Variants in DHX36 observed in about 807,000 individuals in gnomAD.
DHX36 encodes ATP-dependent DNA/RNA helicase DHX36.
DHX36 carries 50 observed loss-of-function variants against 139.0 expected under a neutral mutation model. That is an observed-to-expected ratio of 0.36 (90% CI 0.29 to 0.46). The LOEUF (loss-of-function observed/expected upper bound fraction) is 0.46, where lower values mean the gene tolerates loss of function less well. Among genes scored for constraint, DHX36 ranks in the 20% least tolerant of loss-of-function variants. DHX36 has a pLI of 1.00. For synonymous variants in DHX36, 425 were observed against 401.9 expected (o/e 1.06, Z -0.69); for missense variants, 1,024 against 1,211.3 (o/e 0.85, Z 2.29).
At chr3:154,315,397 T>C (rs1485527270) in intron 2 of DHX36, 117 bp from the exon 3 acceptor site, 2 of 672,518 alleles carry the variant, frequency 3.0e-6, no homozygotes, top group Non-Finnish European at 4.8e-6. Context: ...ATCCAAAGCT[T>C]TTCTTTTCTC....
intron 22 of DHX36, chr3:154,279,031 G>GC (rs1559943726): frequency 6.6e-6 from 1 of 151,954 alleles, no homozygotes; most frequent in Non-Finnish European, 1.5e-5. Context: ...CTCTCAACGT[G>GC]CAGTGGTGTG....
In DHX36 at chr3:154,314,218, C is replaced by T. The variant is rs532756761; in HGVS notation, c.603+828G>A. 3.9e-5 allele frequency among the ~76,000 whole-genome samples: 6 copies of T among 152,308 alleles called. No individual in the cohort carries two copies. In the South Asian group the frequency reaches 1.2e-3, roughly 32 times the overall value. On this transcript the variant is annotated intron_variant, in intron 3 of 24. Coordinates refer to ENST00000496811, the MANE Select transcript of DHX36 (RefSeq NM_020865.3). ...TTTTTACCCAACAGGCATCAAAGAG[C>T]TACACAATTTGGCCCTGGACAACCT... is the stretch of plus-strand genomic sequence containing the variant.
chr3:154,303,308 T>TC, intron 9 of DHX36, 21 bp downstream of exon 9: 1 of 1,526,232 alleles, frequency 6.6e-7, no homozygotes, highest in Non-Finnish European at 9.0e-7. Flanking sequence ...TAATGTTTTT[T>TC]ATTTCCTAAT....
In DHX36 at chr3:154,303,383, C is replaced by G. The variant is rs1210480391; in HGVS notation, c.1163G>C (p.Gly388Ala). Reference sequence around the variant, plus strand: ...ATATTCCACAACCGGAAAGGTAAAACCAGGTATATGTATCATTGGACAGTT... The same window carrying G: ...ATATTCCACAACCGGAAAGGTAAAAGCAGGTATATGTATCATTGGACAGTT... The part of the protein sequence containing the change: ...FGNCPMIHIP[G>A]FTFPVVEYLL... Residue 388 changes from glycine to alanine, a missense_variant, in exon 9 of 25, where the codon GGT becomes GCT. Gly to Ala is a moderately conservative substitution (Grantham distance 60). Transcript: ENST00000496811. The G allele has an allele frequency of 5.6e-6, 9 of 1,607,618 alleles. No individual in the cohort carries two copies. Among genetic ancestry groups the G allele is most frequent in the Non-Finnish European group, 7.6e-6 (9 of 1,177,396 alleles).
intron 4 of DHX36, among the ~76,000 whole-genome samples, chr3:154,310,828 T>TATATATATATGTATATAC (rs1712729592): frequency 3.0e-5 from 1 of 32,938 alleles, no homozygotes; most frequent in Non-Finnish European, 4.5e-5. Context: ...TATATATATA[T>TATATATATATGTATATAC]ATATATATAT....
At chr3:154,295,944 T>C (rs550744173) in intron 12 of DHX36, among the ~76,000 whole-genome samples, 20 of 152,100 alleles carry the variant, frequency 1.3e-4, no homozygotes, top group Non-Finnish European at 2.2e-4. Context: ...ATTTTTGTAT[T>C]TTTTGTAGAG....
Position 154,301,053 on chromosome 3 carries a change from T to C in DHX36, c.1292A>G (p.Glu431Gly), listed in dbSNP as rs752990736. 9.3e-6 allele frequency: 15 copies of C among 1,613,506 alleles called. No individual in the cohort carries two copies. The highest frequency in any genetic ancestry group is 1.3e-5 in the Non-Finnish European group (15 of 1,179,940). ...GFMQGHVNRQ[E>G]KEEKEAIYKE... ...ATATATTGCTTCTTTTTCTTCTTTT[T>C]CTTGTCTATTTACATGCCCTTGCAT... The change falls in exon 10 of 25, where the codon GAA (glutamate) becomes GGA (glycine). Residue 431 changes from glutamate (E) to glycine (G), a missense_variant. By Grantham distance (98) the Glu-to-Gly change is moderately conservative. Transcript: ENST00000496811.
rs531399489 is a variant in DHX36 at position 154,314,972 on chromosome 3, C to T, written c.603+74G>A. ...CTCACTGATCTATGCCATGCAGCTACCTCTAACCATACATACATTTTTATA... is the reference window on the plus strand; with the variant it reads ...CTCACTGATCTATGCCATGCAGCTATCTCTAACCATACATACATTTTTATA... On this transcript the variant is annotated intron_variant, in intron 3 of 24. Coordinates refer to ENST00000496811, the MANE Select transcript of DHX36 (RefSeq NM_020865.3). 7 of 1,019,842 alleles carry T rather than the reference C, an allele frequency of 6.9e-6. No individual in the cohort carries two copies. The Admixed American group carries it at 7.2e-5, about 11-fold the overall frequency. The allele number at this position is 1,019,842 out of a possible 1,614,324, so 63.2% of individuals were successfully genotyped here. A position where few individuals can be genotyped will look rare whatever the true frequency, so the allele number is the denominator to read the frequency against.
intron 1 of DHX36, among the ~76,000 whole-genome samples, chr3:154,317,254 G>A (rs898579203): frequency 6.6e-6 from 1 of 152,044 alleles, no homozygotes; most frequent in Admixed American, 6.5e-5. Context: ...GGTCACAATA[G>A]GATGCTAAGT....
rs761088404 is a variant in DHX36 at position 154,283,184 on chromosome 3, T to C, written c.2376+4A>G. ...GATAATTACTGCAAAACATTCACCA[T>C]TACCTGCAGTGTGTTTGAAGACAGA... On this transcript the variant is annotated splice_donor_region_variant and intron_variant, in intron 20 of 24. Transcript: ENST00000496811. The C allele has an allele frequency of 1.9e-6, 3 of 1,602,798 alleles. No homozygotes were observed. Among genetic ancestry groups the C allele is most frequent in the Non-Finnish European group, 1.7e-6 (2 of 1,169,682 alleles).
intron 6 of DHX36, among the ~76,000 whole-genome samples, chr3:154,305,751 T>C (rs948254910): frequency 6.6e-6 from 1 of 152,078 alleles, no homozygotes. Context: ...AGCAACAGAG[T>C]GAGAACCTAT....
intron 23 of DHX36, among the ~76,000 whole-genome samples, chr3:154,277,389 T>C (rs533828760): frequency 1.3e-5 from 2 of 152,260 alleles, no homozygotes; most frequent in South Asian, 4.1e-4. Context: ...ATCAAATAAC[T>C]GTCCTAACTA....
At chr3:154,309,881 T>C in intron 4 of DHX36, 58 bp from the exon 5 acceptor site, 4 of 1,322,234 alleles carry the variant, frequency 3.0e-6, no homozygotes, top group Non-Finnish European at 4.1e-6. Context: ...AAAAAAGATA[T>C]TAATCAAAAT....
intron 13 of DHX36, 88 bp downstream of exon 13, chr3:154,295,194 TAA>T: frequency 2.6e-6 from 2 of 761,972 alleles, no homozygotes; most frequent in Non-Finnish European, 4.1e-6. Flanking sequence ...AAATACTCCT[TAA>T]AAAAAATAAA....
At chr3:154,293,907 T>G (rs760699810) in intron 13 of DHX36, 95 bp from the exon 14 acceptor site, 120 of 856,866 alleles carry the variant, frequency 1.4e-4, no homozygotes, top group Non-Finnish European at 1.8e-4. Flanking sequence ...CTGTTCATTT[T>G]TAGCATTCTA....
chr3:154,296,364 C>T (rs1156873026), intron 12 of DHX36, among the ~76,000 whole-genome samples: 1 of 152,048 alleles, frequency 6.6e-6, no homozygotes, highest in Non-Finnish European at 1.5e-5. Context: ...GTCCCAGCTA[C>T]CTGGGAGGCT....
intron 13 of DHX36, among the ~76,000 whole-genome samples, chr3:154,294,471 A>C (rs1281492707): frequency 1.3e-5 from 2 of 152,016 alleles, no homozygotes; most frequent in East Asian, 3.9e-4. Flanking sequence ...CTATTCACAT[A>C]CTCTCCAGCA....
At chr3:154,291,321 G>A (rs752261776) in intron 15 of DHX36, among the ~76,000 whole-genome samples, 3 of 152,136 alleles carry the variant, frequency 2.0e-5, no homozygotes, top group South Asian at 2.1e-4. Flanking sequence ...GAGTGAGGAC[G>A]AAGGATTAGT....
intron 3 of DHX36, among the ~76,000 whole-genome samples, chr3:154,313,827 A>C (rs1335626968): frequency 6.6e-6 from 1 of 152,202 alleles, no homozygotes; most frequent in Non-Finnish European, 1.5e-5. Context: ...AACACAGCTG[A>C]ATTTTAGATC....
Sources: gnomAD v4.1 joint callset for allele counts (sites outside exome capture counted in the v4.1 genomes callset) on GRCh38, gnomAD v4.1.1 for gene constraint, MANE v1.5 for transcripts, NCBI Gene and HGNC (gene_info 2026-07-23, HGNC 2026-07-21) for gene names.